The following IL1RAPL2 variants were observed in gnomAD, a reference collection of about 807,000 sequenced individuals.
The protein encoded by IL1RAPL2 is X-linked interleukin-1 receptor accessory protein-like 2.
A neutral mutation model predicts 44.1 loss-of-function variants in IL1RAPL2; 3 were observed. The observed-to-expected ratio is 0.07, with a 90% confidence interval of 0.03 to 0.18. The LOEUF (loss-of-function observed/expected upper bound fraction) is 0.18. Among genes scored for constraint, IL1RAPL2 ranks in the 10% least tolerant of loss-of-function variants. The pLI, the probability that IL1RAPL2 is intolerant of heterozygous loss-of-function variation, is 1.00. For synonymous variants in IL1RAPL2, 181 were observed against 178.8 expected (o/e 1.01, Z -0.10); for missense variants, 391 against 496.4 (o/e 0.79, Z 2.02).
intron 2 of IL1RAPL2, among the ~76,000 whole-genome samples, chrX:105,021,462 C>T (rs1373697618): frequency 9.0e-6 from 1 of 111,048 alleles, no homozygotes; most frequent in East Asian, 2.9e-4. Context: ...TACATATAAG[C>T]TCAAGAATTA....
chrX:104,576,501 C>A (rs944029642), intron 1 of IL1RAPL2, among the ~76,000 whole-genome samples: 2 of 111,349 alleles, frequency 1.8e-5, no homozygotes, highest in Admixed American at 9.5e-5. Context: ...AGGCGTTGTA[C>A]CATAGGATAT....
chrX:104,991,982 G>T (rs1388133109), intron 2 of IL1RAPL2, among the ~76,000 whole-genome samples: 1 of 111,242 alleles, frequency 9.0e-6, no homozygotes, highest in Non-Finnish European at 1.9e-5. Context: ...AGGTGGATGA[G>T]GAAGCAATGG....
intron 1 of IL1RAPL2, among the ~76,000 whole-genome samples, chrX:104,649,308 T>C (rs1369115474): frequency 8.9e-6 from 1 of 111,949 alleles, no homozygotes; most frequent in Non-Finnish European, 1.9e-5. Flanking sequence ...GAGAATAGGC[T>C]AGATATAGGA....
chrX:104,674,422 C>T (rs947677235), intron 2 of IL1RAPL2, among the ~76,000 whole-genome samples: 5 of 112,010 alleles, frequency 4.5e-5, no homozygotes, highest in Admixed American at 3.8e-4. Context: ...TATATTGAAC[C>T]AGCCTTGCAT....
intron 4 of IL1RAPL2, among the ~76,000 whole-genome samples, chrX:105,236,265 T>A (rs1287562172): frequency 1.8e-5 from 2 of 112,176 alleles, no homozygotes; most frequent in African/African-American, 6.5e-5. Context: ...CTCAAGCAAT[T>A]TACTGCTTGG....
chrX:104,671,963 G>C (rs1237437866), intron 2 of IL1RAPL2, among the ~76,000 whole-genome samples: 1 of 111,438 alleles, frequency 9.0e-6, no homozygotes, highest in African/African-American at 3.3e-5. Flanking sequence ...AGACTTTATA[G>C]TTTATAATGA....
intron 6 of IL1RAPL2, among the ~76,000 whole-genome samples, chrX:105,637,036 TAGG>T (rs1340719829): frequency 1.8e-5 from 2 of 110,970 alleles, no homozygotes; most frequent in Non-Finnish European, 3.8e-5. Context: ...TATTGGGTCA[TAGG>T]AGAAGATGAG....
At chrX:104,997,725 A>G (rs901701416) in intron 2 of IL1RAPL2, among the ~76,000 whole-genome samples, 1 of 111,962 alleles carries the variant, frequency 8.9e-6, no homozygotes, top group Non-Finnish European at 1.9e-5. Context: ...AAGATGAGGA[A>G]AAAAGTTTCC....
chrX:104,620,333 AT>A (rs112177217), intron 1 of IL1RAPL2, among the ~76,000 whole-genome samples: 35,574 of 102,755 alleles, frequency 0.35, 5,663 homozygotes, highest in East Asian at 0.61. Flanking sequence ...TTGAAATACA[AT>A]TTTTTTTTTT....
intron 2 of IL1RAPL2, among the ~76,000 whole-genome samples, chrX:104,911,604 C>G (rs1380957964): frequency 8.9e-6 from 1 of 111,897 alleles, no homozygotes; most frequent in Non-Finnish European, 1.9e-5. Context: ...ACTCTCCACT[C>G]TTGCTCTTAC....
chrX:105,525,587 CT>C (rs2082895516), intron 6 of IL1RAPL2, among the ~76,000 whole-genome samples: 1 of 111,235 alleles, frequency 9.0e-6, no homozygotes, highest in Middle Eastern at 4.2e-3. Flanking sequence ...GCAACATTTT[CT>C]TTTGTAATCA....
chrX:104,595,277 G>A, intron 1 of IL1RAPL2, among the ~76,000 whole-genome samples: 1 of 111,375 alleles, frequency 9.0e-6, no homozygotes, highest in Non-Finnish European at 1.9e-5. Flanking sequence ...CAAAGATTAT[G>A]CCTAGGCTCT....
chrX:104,898,423 C>T lies in IL1RAPL2; in HGVS notation c.82+239428C>T, dbSNP rs555445042. 8.0e-4 allele frequency among the ~76,000 whole-genome samples: 90 copies of T among 112,357 alleles called. No individual in the cohort carries two copies. In the South Asian group the frequency reaches 0.031, roughly 39 times the overall value. The stretch of plus-strand genomic sequence containing the variant: ...TATTAGTATTCACAGTTGCAAGTGA[C>T]ACCAAGCTAAATTGAATTTAAAATA... On this transcript the variant is annotated intron_variant, in intron 2 of 10. Transcript: ENST00000372582.
intron 2 of IL1RAPL2, among the ~76,000 whole-genome samples, chrX:105,014,490 G>A (rs1467268315): frequency 9.0e-6 from 1 of 110,627 alleles, no homozygotes; most frequent in Non-Finnish European, 1.9e-5. Context: ...ACAGGCCCTG[G>A]TGTATGATGT....
intron 5 of IL1RAPL2, among the ~76,000 whole-genome samples, chrX:105,287,808 C>T (rs191793009): frequency 4.4e-4 from 49 of 111,196 alleles, no homozygotes; most frequent in African/African-American, 1.1e-3. Context: ...GTGACAGGTC[C>T]GGGTATGACA....
chrX:105,685,992 C>A (rs1170055408), intron 6 of IL1RAPL2, among the ~76,000 whole-genome samples: 1 of 111,398 alleles, frequency 9.0e-6, no homozygotes, highest in Non-Finnish European at 1.9e-5. Context: ...CCTTTACAGA[C>A]AAGCAAATGC....
rs755947366 is a variant in IL1RAPL2 at position 105,088,368 on chromosome X, A to G, written c.83-107107A>G. ...AATTGAAAGCACAGTTTGGTCTATT[A>G]AGTAGTTTGAATATTCCTCTAGCAT... On this transcript the variant is annotated intron_variant, in intron 2 of 10. Transcript: ENST00000372582. Among the ~76,000 whole-genome samples, 8 of 111,933 alleles carry G rather than the reference A, an allele frequency of 7.1e-5. 1 individual carries two copies. In the Admixed American group the frequency reaches 7.6e-4, roughly 11 times the overall value.
At chrX:104,959,097 C>T (rs558588068) in intron 2 of IL1RAPL2, among the ~76,000 whole-genome samples, 2 of 110,742 alleles carry the variant, frequency 1.8e-5, no homozygotes, top group Non-Finnish European at 1.9e-5. Flanking sequence ...TTGCTTGTAC[C>T]TCTCCTGATC....
chrX:104,977,989 A>G (rs2030369468), intron 2 of IL1RAPL2, among the ~76,000 whole-genome samples: 1 of 111,537 alleles, frequency 9.0e-6, no homozygotes, highest in Non-Finnish European at 1.9e-5. Context: ...ACTGGTGGGC[A>G]TGTCTTATGG....
Sources: gnomAD v4.1 joint callset for allele counts (sites outside exome capture counted in the v4.1 genomes callset) on GRCh38, gnomAD v4.1.1 for gene constraint, MANE v1.5 for transcripts, NCBI Gene and HGNC (gene_info 2026-07-23, HGNC 2026-07-21) for gene names.